Variants in XIRP2 observed in about 807,000 individuals in gnomAD.
XIRP2 encodes xin actin-binding repeat-containing protein 2.
In XIRP2, 236 loss-of-function variants were observed where a neutral mutation model predicts 277.0. The observed-to-expected ratio is 0.85, with a 90% CI of 0.77 to 0.95. The LOEUF (loss-of-function observed/expected upper bound fraction) is 0.95, where lower values mean the gene tolerates loss of function less well. XIRP2 is among the 40% of genes least tolerant of loss of function. The probability of loss-of-function intolerance (pLI) is 0.00; values close to 1 mark genes in which losing one functional copy is unlikely to be tolerated. For missense variants in XIRP2, 4,640 were observed against 4,157.5 expected, an observed-to-expected ratio of 1.12 and a Z score of -3.19; for synonymous variants, 1,490 against 1,416.5, an observed-to-expected ratio of 1.05 and a Z score of -1.17.
At chr2:167,060,574 A>C (rs1426455509) in intron 2 of XIRP2, among the ~76,000 whole-genome samples, 2 of 152,188 alleles carry the variant, frequency 1.3e-5, no homozygotes, top group Non-Finnish European at 2.9e-5. Flanking sequence ...ATAAATATCC[A>C]ATTGACTCAG....
intron 3 of XIRP2, among the ~76,000 whole-genome samples, chr2:167,175,546 G>A (rs1265275161): frequency 6.6e-6 from 1 of 152,096 alleles, no homozygotes; most frequent in African/African-American, 2.4e-5. Flanking sequence ...ATGCCAGCTG[G>A]AGCTATCCTG....
chr2:166,892,380 T>A (rs151149057), intron 1 of XIRP2, among the ~76,000 whole-genome samples: 1 of 152,086 alleles, frequency 6.6e-6, no homozygotes, highest in African/African-American at 2.4e-5. Flanking sequence ...CAGGTAGAAA[T>A]CACAGAAACA....
At position 167,043,108 on chromosome 2, in the gene XIRP2, A is replaced by G. The variant is rs1688701957; in HGVS notation, c.409-92801A>G. On this transcript the variant is annotated intron_variant, in intron 2 of 10. Transcript: ENST00000409195. ...TCTAGGTAAAGTATGAAATGAAGGC[A>G]GAAATCAAGAAATCCCTTGAAACCT... Among the ~76,000 whole-genome samples the G allele has an allele frequency of 3.3e-5, 5 of 152,306 alleles. No individual in the cohort carries two copies. In the South Asian group the frequency reaches 1.0e-3, roughly 32 times the overall value.
intron 2 of XIRP2, among the ~76,000 whole-genome samples, chr2:166,924,822 C>T (rs1411313526): frequency 1.3e-5 from 2 of 151,994 alleles, no homozygotes; most frequent in African/African-American, 4.8e-5. Flanking sequence ...AATAAGAACG[C>T]TGTTAAATTT....
At chr2:166,966,277 CTTAAA>C (rs2105414069) in intron 2 of XIRP2, among the ~76,000 whole-genome samples, 1 of 151,782 alleles carries the variant, frequency 6.6e-6, no homozygotes, top group African/African-American at 2.4e-5. Context: ...TGAAAAATTT[CTTAAA>C]TTACTTATTT....
chr2:166,926,768 A>G (rs1326049960), intron 2 of XIRP2, among the ~76,000 whole-genome samples: 2 of 152,170 alleles, frequency 1.3e-5, no homozygotes, highest in Non-Finnish European at 2.9e-5. Context: ...TGAACAGACT[A>G]GAGAGCAGAG....
At position 166,966,859 on chromosome 2, in the gene XIRP2, C is replaced by T. The variant is rs191712855; in HGVS notation, c.408+62969C>T. Among the ~76,000 whole-genome samples, 23 of 152,080 alleles carry T rather than the reference C, an allele frequency of 1.5e-4. No homozygotes were observed. In the East Asian group the frequency reaches 4.5e-3, roughly 30 times the overall value. ...AGTCTAAGTGGCATATATCTTAGCA[C>T]CTTGCTATTCAAAATGTAGTGCTTG... On this transcript the variant is annotated intron_variant, in intron 2 of 10. Coordinates refer to ENST00000409195, the MANE Select transcript of XIRP2 (RefSeq NM_152381.6).
chr2:167,209,340 T>C (rs984022252), intron 3 of XIRP2, among the ~76,000 whole-genome samples: 5 of 152,174 alleles, frequency 3.3e-5, no homozygotes, highest in Non-Finnish European at 5.9e-5. Context: ...ACTGCTGTTG[T>C]GTACATAAAT....
intron 2 of XIRP2, among the ~76,000 whole-genome samples, chr2:166,922,769 A>T (rs1574081218): frequency 6.6e-6 from 1 of 151,780 alleles, no homozygotes; most frequent in South Asian, 2.1e-4. Context: ...AGAAAAAAAA[A>T]AGTAAGCAAA....
chr2:167,028,493 G>T (rs995804172), intron 2 of XIRP2, among the ~76,000 whole-genome samples: 1 of 152,076 alleles, frequency 6.6e-6, no homozygotes, highest in Non-Finnish European at 1.5e-5. Flanking sequence ...GAGTCACAGT[G>T]TTACTGGGCT....
intron 1 of XIRP2, among the ~76,000 whole-genome samples, chr2:166,899,611 G>C (rs778337300): frequency 1.3e-5 from 2 of 151,868 alleles, no homozygotes; most frequent in East Asian, 1.9e-4. Context: ...TTTTTTCTTC[G>C]TTATTGAAAG....
chr2:167,064,256 A>C (rs1048304162), intron 2 of XIRP2, among the ~76,000 whole-genome samples: 1 of 151,864 alleles, frequency 6.6e-6, no homozygotes, highest in African/African-American at 2.4e-5. Context: ...CTGTTGGTTT[A>C]TTAGCTATTC....
chr2:167,074,524 A>G (rs925451086), intron 2 of XIRP2, among the ~76,000 whole-genome samples: 1 of 152,202 alleles, frequency 6.6e-6, no homozygotes, highest in Non-Finnish European at 1.5e-5. Flanking sequence ...ATTTTTTAAA[A>G]CAATGGAACA....
In XIRP2 at chr2:167,244,092, T is replaced by C; in HGVS notation, c.2700T>C (p.Thr900=). ...ATATAGGAAAGCTTCAAAAAATCAC[T>C]GCCTCTGAAGAAGAAAAAGGGGATG... ...SPDIGKLQKI[T]ASEEEKGDVR... Residue 900 remains threonine (T), a synonymous_variant, in exon 9 of 11, where the codon ACT becomes ACC. Coordinates refer to ENST00000409195, the MANE Select transcript of XIRP2 (RefSeq NM_152381.6). 1 of 1,613,866 alleles carries C rather than the reference T, an allele frequency of 6.2e-7. No individual in the cohort carries two copies. Among genetic ancestry groups the C allele is most frequent in the Non-Finnish European group, 8.5e-7 (1 of 1,179,910 alleles).
intron 2 of XIRP2, among the ~76,000 whole-genome samples, chr2:166,980,094 A>G (rs1193093406): frequency 6.6e-6 from 1 of 152,136 alleles, no homozygotes; most frequent in Non-Finnish European, 1.5e-5. Flanking sequence ...GTCTTTCAAG[A>G]AATTTAGCCA....
chr2:167,196,846 G>A (rs1332097319), intron 3 of XIRP2, among the ~76,000 whole-genome samples: 1 of 152,086 alleles, frequency 6.6e-6, no homozygotes, highest in Non-Finnish European at 1.5e-5. Flanking sequence ...TTGTGCGTAG[G>A]TATGTGTGTG....
At chr2:167,155,947 C>G (rs1340186113) in intron 3 of XIRP2, among the ~76,000 whole-genome samples, 1 of 150,126 alleles carries the variant, frequency 6.7e-6, no homozygotes, top group African/African-American at 2.5e-5. Flanking sequence ...TTCTTATACA[C>G]CAATAACAGA....
intron 2 of XIRP2, among the ~76,000 whole-genome samples, chr2:167,133,669 A>C (rs1240284282): frequency 2.0e-5 from 3 of 152,182 alleles, no homozygotes; most frequent in Non-Finnish European, 4.4e-5. Flanking sequence ...CAAAAATCAC[A>C]ACTTTGTAGG....
At chr2:166,952,917 T>G (rs1237560399) in intron 2 of XIRP2, among the ~76,000 whole-genome samples, 2 of 152,030 alleles carry the variant, frequency 1.3e-5, no homozygotes, top group African/African-American at 4.8e-5. Context: ...ACTCTTTCAA[T>G]TATATGGTGC....
Sources: allele counts gnomAD v4.1 joint callset (sites outside exome capture counted in the v4.1 genomes callset), GRCh38; gene constraint gnomAD v4.1.1; transcripts MANE v1.5; gene names NCBI Gene and HGNC (gene_info 2026-07-23, HGNC 2026-07-21).